Variants in PCNX4 observed in about 807,000 individuals in gnomAD.
PCNX4 encodes pecanex 4, also known as pecanex-like protein 4.
PCNX4 carries 103 observed loss-of-function variants against 107.2 expected under a neutral mutation model. The observed-to-expected ratio is 0.96, with a 90% confidence interval of 0.82 to 1.13. The LOEUF (loss-of-function observed/expected upper bound fraction) is 1.13. Among genes scored for constraint, PCNX4 ranks in the 50% most tolerant of loss-of-function variants. The probability of loss-of-function intolerance (pLI) is 0.00; values close to 1 mark genes in which losing one functional copy is unlikely to be tolerated. For missense variants in PCNX4, 1,528 were observed against 1,379.4 expected (o/e 1.11, Z -1.71); for synonymous variants, 541 against 481.7 (o/e 1.12, Z -1.61).
chr14:60,092,080 C>T lies in PCNX4; in HGVS notation c.-393C>T, dbSNP rs1210688264. 1 of 152,366 alleles carries T rather than the reference C, an allele frequency of 6.6e-6. No individual in the cohort carries two copies. Among genetic ancestry groups the T allele is most frequent in the Non-Finnish European group, 1.5e-5 (1 of 68,124 alleles). 9.4% of individuals were successfully genotyped at this position (152,366 alleles called of 1,614,324 possible). A position where few individuals can be genotyped will look rare whatever the true frequency, so the allele number is the denominator to read the frequency against. On this transcript the variant is annotated 5_prime_UTR_variant, in exon 1 of 11. Coordinates refer to ENST00000406854, the MANE Select transcript of PCNX4 (RefSeq NM_001330177.2). Reference sequence around the variant, plus strand: ...CTGGCGCGAACGAAGCGCGCTATTTCCCTGCTTCCTCTAGGCCAAGCCTGC... The same window carrying T: ...CTGGCGCGAACGAAGCGCGCTATTTTCCTGCTTCCTCTAGGCCAAGCCTGC...
intron 1 of PCNX4, among the ~76,000 whole-genome samples, chr14:60,100,155 C>T (rs1405418173): frequency 6.6e-6 from 1 of 151,986 alleles, no homozygotes; most frequent in Non-Finnish European, 1.5e-5. Context: ...ATGAAAAGTT[C>T]TTCCAAATTC....
At chr14:60,103,748 G>A (rs1016504351) in intron 1 of PCNX4, among the ~76,000 whole-genome samples, 1 of 152,110 alleles carries the variant, frequency 6.6e-6, no homozygotes, top group Non-Finnish European at 1.5e-5. Flanking sequence ...AAGGGACAGG[G>A]AGCAAATTAA....
rs552216409 is a variant in PCNX4 at position 60,116,038 on chromosome 14, A to G, written c.1556A>G (p.Asp519Gly). The change falls in exon 6 of 11, where the codon GAT (aspartate) becomes GGT (glycine). Residue 519 changes from aspartate (D) to glycine (G), a missense_variant. Coordinates refer to ENST00000406854, the MANE Select transcript of PCNX4 (RefSeq NM_001330177.2). ...STDIWWNRSL[D>G]TGLRLLLVGI... Reference sequence around the variant, plus strand: ...GACATATGGTGGAACAGAAGCCTGGATACAGGACTCAGACTCTTACTGGTA... The same window carrying G: ...GACATATGGTGGAACAGAAGCCTGGGTACAGGACTCAGACTCTTACTGGTA... 4 of 1,611,674 alleles carry G rather than the reference A, an allele frequency of 2.5e-6. No individual in the cohort carries two copies. In the South Asian group the frequency reaches 3.3e-5, roughly 13 times the overall value.
rs557703966 is a variant in PCNX4 at position 60,115,161 on chromosome 14, T to C, written c.1057T>C (p.Trp353Arg). 6.2e-7 allele frequency: 1 copy of C among 1,613,450 alleles called. No individual in the cohort carries two copies. Among genetic ancestry groups the C allele is most frequent in the African/African-American group, 1.3e-5 (1 of 74,928 alleles). The change falls in exon 4 of 11, where the codon TGG becomes CGG. Residue 353 changes from tryptophan to arginine, a missense_variant. By Grantham distance (101) the Trp-to-Arg change is moderately radical (BLOSUM62 -3). Coordinates refer to ENST00000406854, the MANE Select transcript of PCNX4 (RefSeq NM_001330177.2). ...CAGTGGTCCGGAAAAACATTTTTCATGGAAGGAATGCCTTTTCTACATCAT... is the reference window on the plus strand; with the variant it reads ...CAGTGGTCCGGAAAAACATTTTTCACGGAAGGAATGCCTTTTCTACATCAT... ...LPSGPEKHFS[W>R]KECLFYIIIL...
chr14:60,138,157 G>T lies in PCNX4; in HGVS notation c.*3936G>T, dbSNP rs938976575. 7 of 151,232 alleles carry T rather than the reference G, an allele frequency of 4.6e-5. No individual in the cohort carries two copies. Among genetic ancestry groups the T allele is most frequent in the Non-Finnish European group, 1.0e-4 (7 of 67,872 alleles). The allele number at this position is 151,232 out of a possible 1,614,324, so 9.4% of individuals were successfully genotyped here. The stretch of plus-strand genomic sequence containing the variant: ...ATAGAAAGTGCATACAGTGAAGTAA[G>T]AATTAGTGAACTAGAAGTTATGTCA... On this transcript the variant is annotated 3_prime_UTR_variant, in exon 11 of 11. Coordinates refer to ENST00000406854, the MANE Select transcript of PCNX4 (RefSeq NM_001330177.2).
At chr14:60,125,993 A>G (rs959256138) in intron 10 of PCNX4, 170 bp downstream of exon 10, 2 of 459,738 alleles carry the variant, frequency 4.4e-6, no homozygotes, top group Non-Finnish European at 3.6e-6. Context: ...GATGAACTCT[A>G]GAATAGCTGA....
intron 1 of PCNX4, among the ~76,000 whole-genome samples, chr14:60,105,639 G>C (rs1257842417): frequency 6.6e-6 from 1 of 152,130 alleles, no homozygotes; most frequent in Non-Finnish European, 1.5e-5. Flanking sequence ...GTACTGCACT[G>C]TTTGGAATAT....
intron 2 of PCNX4, chr14:60,109,727 C>T (rs1895698719): frequency 6.0e-6 from 1 of 167,284 alleles, no homozygotes; most frequent in Non-Finnish European, 1.5e-5. Flanking sequence ...AGGCTTGAGC[C>T]ATCACACCCA....
chr14:60,139,031 G>A lies in PCNX4; in HGVS notation c.*4810G>A, dbSNP rs1896274325. ...TCGTAGAACTACAAAGCTAATACAG[G>A]GCTAAAGTGGAATAATAAGGCAAAA... On this transcript the variant is annotated 3_prime_UTR_variant, in exon 11 of 11. Coordinates refer to ENST00000406854, the MANE Select transcript of PCNX4 (RefSeq NM_001330177.2). 6.6e-6 allele frequency: 1 copy of A among 151,818 alleles called. No individual in the cohort carries two copies. The highest frequency in any genetic ancestry group is 1.5e-5 in the Non-Finnish European group (1 of 67,872). The allele number at this position is 151,818 out of a possible 1,614,324, so 9.4% of individuals were successfully genotyped here.
chr14:60,124,200 T>C lies in PCNX4; in HGVS notation c.2047-18T>C. ...AATAAATGATTATAAACTCAAGTAC[T>C]TTTTATTTCTTCTTTAGGGGTTAGA... is the stretch of plus-strand genomic sequence containing the variant. On this transcript the variant is annotated intron_variant, in intron 8 of 10. Coordinates refer to ENST00000406854, the MANE Select transcript of PCNX4 (RefSeq NM_001330177.2). The C allele has an allele frequency of 6.6e-7, 1 of 1,511,338 alleles. No individual in the cohort carries two copies. Among genetic ancestry groups the C allele is most frequent in the Non-Finnish European group, 8.8e-7 (1 of 1,131,534 alleles). The allele number at this position is 1,511,338 out of a possible 1,614,324, so 93.6% of individuals were successfully genotyped here. A position where few individuals can be genotyped will look rare whatever the true frequency, so the allele number is the denominator to read the frequency against.
intron 1 of PCNX4, among the ~76,000 whole-genome samples, chr14:60,092,839 C>G (rs1895332720): frequency 6.6e-6 from 1 of 152,252 alleles, no homozygotes; most frequent in South Asian, 2.1e-4. Flanking sequence ...TCTGTCCCCA[C>G]AACCTCTTGT....
In PCNX4 at chr14:60,141,676, G is replaced by C. The variant is rs1896307710; in HGVS notation, c.*7455G>C. ...ACCCAGATGCCCTGGCTTCTTTGAGGTTCTTCCATGTTGTTTTATGTATCA... is the reference window on the plus strand; with the variant it reads ...ACCCAGATGCCCTGGCTTCTTTGAGCTTCTTCCATGTTGTTTTATGTATCA... On this transcript the variant is annotated 3_prime_UTR_variant, in exon 11 of 11. Coordinates refer to ENST00000406854, the MANE Select transcript of PCNX4 (RefSeq NM_001330177.2). The C allele has an allele frequency of 6.6e-6, 1 of 152,146 alleles. No homozygotes were observed. The highest frequency in any genetic ancestry group is 1.5e-5 in the Non-Finnish European group (1 of 68,020). 9.4% of individuals were successfully genotyped at this position (152,146 alleles called of 1,614,324 possible).
At position 60,115,363 on chromosome 14, in the gene PCNX4, C is replaced by G. The variant is rs1231895120; in HGVS notation, c.1259C>G (p.Pro420Arg). The change falls in exon 4 of 11, where the codon CCC becomes CGC. Residue 420 changes from proline to arginine, a missense_variant. Physicochemically the swap from Pro to Arg is moderately radical, Grantham distance 103. Coordinates refer to ENST00000406854, the MANE Select transcript of PCNX4 (RefSeq NM_001330177.2). ...TATATCATTGGAATTTTCCGAAATC[C>G]CTTTTATCCGAAGGATGTGCAAACT... ...SVYIIGIFRN[P>R]FYPKDVQTVT... 8 of 1,603,430 alleles carry G rather than the reference C, an allele frequency of 5.0e-6. No homozygotes were observed. Among genetic ancestry groups the G allele is most frequent in the Non-Finnish European group, 6.8e-6 (8 of 1,174,496 alleles).
At chr14:60,102,824 T>C (rs1296622348) in intron 1 of PCNX4, among the ~76,000 whole-genome samples, 2 of 152,222 alleles carry the variant, frequency 1.3e-5, no homozygotes, top group Non-Finnish European at 2.9e-5. Flanking sequence ...ATTTTAGTTA[T>C]TGTGAATTTG....
chr14:60,114,700 G>C lies in PCNX4; in HGVS notation c.690G>C (p.Arg230Ser), dbSNP rs547576338. Residue 230 changes from arginine to serine, a missense_variant and splice_region_variant, in exon 3 of 11, where the codon AGG becomes AGC. Coordinates refer to ENST00000406854, the MANE Select transcript of PCNX4 (RefSeq NM_001330177.2). ...TTAAATGTTCTTTTTTTTTATATAG[G>C]TTTGTGGTAAATATGCCAGCTCTAG... ...FFFVSVDLAH[R>S]FVVNMPALEH... 3 of 1,605,492 alleles carry C rather than the reference G, an allele frequency of 1.9e-6. No homozygotes were observed. Among genetic ancestry groups the C allele is most frequent in the African/African-American group, 2.7e-5 (2 of 74,430 alleles).
chr14:60,097,148 C>CT (rs1895440602), intron 1 of PCNX4, among the ~76,000 whole-genome samples: 1 of 152,354 alleles, frequency 6.6e-6, no homozygotes, highest in Non-Finnish European at 1.5e-5. Flanking sequence ...GGCGCTGCCT[C>CT]TAAACCCCCC....
At chr14:60,111,573 G>C (rs552704357) in intron 2 of PCNX4, among the ~76,000 whole-genome samples, 23 of 152,052 alleles carry the variant, frequency 1.5e-4, no homozygotes, top group Non-Finnish European at 3.1e-4. Context: ...TTGAGTTACT[G>C]TCTCCGTATC....
In PCNX4 at chr14:60,148,132, C is replaced by G. The variant is rs184328073; in HGVS notation, c.*13911C>G. 4 of 152,286 alleles carry G rather than the reference C, an allele frequency of 2.6e-5. No homozygotes were observed. Among genetic ancestry groups the G allele is most frequent in the Admixed American group, 2.0e-4 (3 of 15,294 alleles). 9.4% of individuals were successfully genotyped at this position (152,286 alleles called of 1,614,324 possible). Reference sequence around the variant, plus strand: ...CCCAGTCTGATAACCTTTTATGTCTCTTAAGCATTTTGTTGTGTTTGTAAC... The same window carrying G: ...CCCAGTCTGATAACCTTTTATGTCTGTTAAGCATTTTGTTGTGTTTGTAAC... On this transcript the variant is annotated 3_prime_UTR_variant, in exon 11 of 11. Coordinates refer to ENST00000406854, the MANE Select transcript of PCNX4 (RefSeq NM_001330177.2). This position sits in a 1 kb window ranked among gnomAD's most constrained non-coding sequence, Gnocchi z 4.8.
intron 10 of PCNX4, among the ~76,000 whole-genome samples, chr14:60,131,475 A>C (rs1896153511): frequency 6.6e-6 from 1 of 152,270 alleles, no homozygotes; most frequent in Non-Finnish European, 1.5e-5. Flanking sequence ...AGCATCAAAA[A>C]GAATAAAATA....
Sources: allele counts gnomAD v4.1 joint callset (sites outside exome capture counted in the v4.1 genomes callset), GRCh38; gene constraint gnomAD v4.1.1; non-coding constraint Gnocchi (gnomAD v3.1); transcripts MANE v1.5; gene names NCBI Gene and HGNC (gene_info 2026-07-23, HGNC 2026-07-21).